The following CACNA1D variants were observed in gnomAD, a reference collection of about 807,000 sequenced individuals.
CACNA1D encodes calcium voltage-gated channel subunit alpha1 D.
Under a neutral mutation model 257.1 loss-of-function variants are expected in CACNA1D, and 55 were observed. That is an observed-to-expected ratio of 0.21 (90% confidence interval 0.17 to 0.27). The LOEUF (loss-of-function observed/expected upper bound fraction) is 0.27, where lower values mean the gene tolerates loss of function less well. Ranked by LOEUF, CACNA1D falls within the 10% of genes least tolerant of loss-of-function variation. The pLI, the probability that CACNA1D is intolerant of heterozygous loss-of-function variation, is 1.00. For missense variants in CACNA1D, 1,876 were observed against 2,784.0 expected (o/e 0.67, Z 7.34); for synonymous variants, 980 against 1,014.9 (o/e 0.97, Z 0.65).
chr3:53,505,122 T>TTTG (rs1380605046), intron 3 of CACNA1D, among the ~76,000 whole-genome samples: 1 of 146,340 alleles, frequency 6.8e-6, no homozygotes, highest in African/African-American at 2.5e-5. Context: ...TTTGTTTTTT[T>TTTG]TTTTTTTTTT....
intron 8 of CACNA1D, chr3:53,679,857 A>G (rs1302295772): frequency 1.3e-5 from 2 of 152,226 alleles, no homozygotes; most frequent in Admixed American, 6.5e-5. Context: ...AGGGTGCCGG[A>G]AAGATTCAGG....
At chr3:53,662,929 G>A (rs948394024) in intron 5 of CACNA1D, among the ~76,000 whole-genome samples, 3 of 152,196 alleles carry the variant, frequency 2.0e-5, no homozygotes, top group Admixed American at 6.5e-5. Flanking sequence ...CCAAAACAAT[G>A]ATAGAAACCT....
intron 15 of CACNA1D, among the ~76,000 whole-genome samples, chr3:53,728,498 T>C (rs2094957831): frequency 6.6e-6 from 1 of 152,224 alleles, no homozygotes; most frequent in South Asian, 2.1e-4. Context: ...GATAAGCTTC[T>C]TGAGTCAGGA....
At position 53,779,885 on chromosome 3, in the gene CACNA1D, C is replaced by T. The variant is rs143565370; in HGVS notation, c.4588-141C>T. 2.1e-3 allele frequency: 1,519 copies of T among 711,026 alleles called. 20 individuals carry two copies. The African/African-American group carries it at 0.023, about 11-fold the overall frequency. 44.0% of individuals were successfully genotyped at this position (711,026 alleles called of 1,614,324 possible). The stretch of plus-strand genomic sequence containing the variant: ...TGACACCTAAATTAACCATCATATG[C>T]GTACCCCCAAATGGCTGTTGAATGG... On this transcript the variant is annotated intron_variant, in intron 37 of 47. Transcript: ENST00000350061.
chr3:53,805,053 C>G lies in CACNA1D; in HGVS notation c.5656C>G (p.His1886Asp), dbSNP rs775381790. 2 of 1,614,084 alleles carry G rather than the reference C, an allele frequency of 1.2e-6. No individual in the cohort carries two copies. The highest frequency in any genetic ancestry group is 1.7e-6 in the Non-Finnish European group (2 of 1,179,940). ...IDSERPRGYH[H>D]PQGFLEDDDS... ...CTCTGAGAGGCCCCGAGGCTACCAT[C>G]ATCCCCAAGGATTCTTGGAGGACGA... Residue 1886 changes from histidine to aspartate, a missense_variant, in exon 45 of 48, where the codon CAT (histidine) becomes GAT (aspartate). Around this residue, in one of 10 missense-constraint regions of CACNA1D, gnomAD observed 491 missense variants for 554.3 expected, o/e 0.89. Coordinates refer to ENST00000350061, the MANE Select transcript of CACNA1D (RefSeq NM_001128840.3).
intron 26 of CACNA1D, among the ~76,000 whole-genome samples, chr3:53,748,595 G>A (rs945774531): frequency 1.3e-5 from 2 of 152,182 alleles, no homozygotes; most frequent in Non-Finnish European, 2.9e-5. Flanking sequence ...CTCAACTCCT[G>A]GCTCTGCCCC....
Position 53,673,432 on chromosome 3 carries a change from CTTTA to C in CACNA1D, c.1220+310_1220+313del, listed in dbSNP as rs571305212. On this transcript the variant is annotated intron_variant, in intron 8 of 47. Transcript: ENST00000350061. This position sits in a 1 kb window ranked among gnomAD's most constrained non-coding sequence, Gnocchi z 4.1. Reference sequence around the variant, plus strand: ...CTAAAGTGAGATACATTTATAATTGCTTTATTTGTCTGGATCCAAATATAATGCA... The same window carrying C: ...CTAAAGTGAGATACATTTATAATTGCTTTGTCTGGATCCAAATATAATGCA... Among the ~76,000 whole-genome samples the C allele has an allele frequency of 1.2e-3, 190 of 152,118 alleles. No individual in the cohort carries two copies. Among genetic ancestry groups the C allele is most frequent in the African/African-American group, 4.1e-3 (169 of 41,488 alleles).
chr3:53,505,361 G>A lies in CACNA1D; in HGVS notation c.483+3641G>A, dbSNP rs563092161. 1.8e-4 allele frequency among the ~76,000 whole-genome samples: 28 copies of A among 152,066 alleles called. No homozygotes were observed. In the South Asian group the frequency reaches 5.4e-3, roughly 29 times the overall value. ...CCTGACCTTGTGATCTGCCCGCCTC[G>A]GCCTCCCAAAGTGCTGGAATTACAG... On this transcript the variant is annotated intron_variant, in intron 3 of 47. Coordinates refer to ENST00000350061, the MANE Select transcript of CACNA1D (RefSeq NM_001128840.3).
At chr3:53,631,687 T>C (rs1168880405) in intron 3 of CACNA1D, among the ~76,000 whole-genome samples, 1 of 152,254 alleles carries the variant, frequency 6.6e-6, no homozygotes, top group Non-Finnish European at 1.5e-5. Context: ...TGGAGACTTA[T>C]GAAATATATT....
chr3:53,805,332 G>A (rs1415559520), intron 45 of CACNA1D, 186 bp downstream of exon 45: 15 of 632,042 alleles, frequency 2.4e-5, no homozygotes, highest in Admixed American at 1.0e-4. Flanking sequence ...TCACGTGATA[G>A]AGCTCTAGCC....
intron 3 of CACNA1D, among the ~76,000 whole-genome samples, chr3:53,551,659 C>G (rs892333768): frequency 6.6e-6 from 1 of 152,246 alleles, no homozygotes; most frequent in South Asian, 2.1e-4. Context: ...AATCTCATGG[C>G]TCTTTGCCAT....
At chr3:53,653,382 C>T (rs566681439) in intron 4 of CACNA1D, among the ~76,000 whole-genome samples, 20 of 152,164 alleles carry the variant, frequency 1.3e-4, no homozygotes, top group East Asian at 9.7e-4. Flanking sequence ...GAGGAAACTC[C>T]GTCAGTAGAA....
intron 3 of CACNA1D, among the ~76,000 whole-genome samples, chr3:53,508,025 C>G (rs776124611): frequency 6.6e-5 from 10 of 152,200 alleles, no homozygotes; most frequent in Non-Finnish European, 1.3e-4. Flanking sequence ...GCCCTGCACC[C>G]TCGGGTTTCT....
In CACNA1D at chr3:53,495,360, C is replaced by T. The variant is rs1272321278; in HGVS notation, c.67+127C>T. ...GGAGAGGGTGCTGCCAGCTCGGTGTCGTCTACACAGAGAGGGGACATGCGT... is the reference window on the plus strand; with the variant it reads ...GGAGAGGGTGCTGCCAGCTCGGTGTTGTCTACACAGAGAGGGGACATGCGT... On this transcript the variant is annotated intron_variant, in intron 1 of 47. Coordinates refer to ENST00000350061, the MANE Select transcript of CACNA1D (RefSeq NM_001128840.3). This position sits in a 1 kb window ranked among gnomAD's most constrained non-coding sequence, Gnocchi z 5.1. 9.3e-7 allele frequency: 1 copy of T among 1,078,112 alleles called. No homozygotes were observed. 66.8% of individuals were successfully genotyped at this position (1,078,112 alleles called of 1,614,324 possible). A position where few individuals can be genotyped will look rare whatever the true frequency, so the allele number is the denominator to read the frequency against.
rs150528887 is a variant in CACNA1D, at chr3:53,784,768, G to T, written c.4793-2054G>T. On this transcript the variant is annotated intron_variant, in intron 39 of 47. Transcript: ENST00000350061. ...CTGGAGTCATTAGCCAGACAACAGC[G>T]TGTCCACTTTTTGTGTGCAGCCTGG... Among the ~76,000 whole-genome samples the T allele has an allele frequency of 6.6e-5, 10 of 152,314 alleles. No individual in the cohort carries two copies. In the South Asian group the frequency reaches 1.9e-3, roughly 28 times the overall value.
Position 53,494,879 on chromosome 3 carries a change from G to T in CACNA1D, c.-288G>T. ...TCTCCTTTGCAGCAAAAAATTACAT[G>T]TATATATTATTAAGATAATATATAC... is the stretch of plus-strand genomic sequence containing the variant. On this transcript the variant is annotated 5_prime_UTR_variant, in exon 1 of 48. An upstream start codon of the reference 5' UTR is lost. Transcript: ENST00000350061. 1 of 308,976 alleles carries T rather than the reference G, an allele frequency of 3.2e-6. No individual in the cohort carries two copies. The highest frequency in any genetic ancestry group is 6.2e-6 in the Non-Finnish European group (1 of 161,140). 19.1% of individuals were successfully genotyped at this position (308,976 alleles called of 1,614,324 possible).
rs1412559141 is a variant in CACNA1D at position 53,813,239 on chromosome 3, A to T, written c.*1833A>T. The stretch of plus-strand genomic sequence containing the variant: ...CTCTGATCCAGGCAAAAACACTTCA[A>T]GGTTTGTAAATGACTCTTTCCTGAC... On this transcript the variant is annotated 3_prime_UTR_variant, in exon 48 of 48. Transcript: ENST00000350061. 6.6e-6 allele frequency: 1 copy of T among 151,446 alleles called. No individual in the cohort carries two copies. The highest frequency in any genetic ancestry group is 2.4e-5 in the African/African-American group (1 of 41,136). 9.4% of individuals were successfully genotyped at this position (151,446 alleles called of 1,614,324 possible). A position where few individuals can be genotyped will look rare whatever the true frequency, so the allele number is the denominator to read the frequency against.
intron 3 of CACNA1D, among the ~76,000 whole-genome samples, chr3:53,603,434 A>G (rs1227168967): frequency 6.6e-6 from 1 of 152,222 alleles, no homozygotes; most frequent in African/African-American, 2.4e-5. Context: ...CATAATAAGA[A>G]ATGTACCCCT....
At chr3:53,601,842 C>T (rs1289277967) in intron 3 of CACNA1D, among the ~76,000 whole-genome samples, 1 of 152,184 alleles carries the variant, frequency 6.6e-6, no homozygotes, top group East Asian at 1.9e-4. Flanking sequence ...TCTAGAGTAG[C>T]TGGGATTACA....
Sources: gnomAD v4.1 joint callset for allele counts (sites outside exome capture counted in the v4.1 genomes callset) on GRCh38, gnomAD v4.1.1 for gene constraint, gnomAD v4.1.1 regional missense constraint, Gnocchi (gnomAD v3.1) non-coding constraint, MANE v1.5 for transcripts, NCBI Gene and HGNC (gene_info 2026-07-23, HGNC 2026-07-21) for gene names.